Variants in GRIK4 observed in about 807,000 individuals in gnomAD.
GRIK4 encodes glutamate ionotropic receptor kainate type subunit 4, also known as glutamate receptor ionotropic, kainate 4.
In GRIK4, 40 loss-of-function variants were observed where a neutral mutation model predicts 104.9. The ratio of observed to expected loss-of-function variants is 0.38; its 90% CI spans 0.30 to 0.50. The LOEUF is 0.50. GRIK4 is among the 20% of genes least tolerant of loss of function. GRIK4 has a pLI of 0.93. For missense variants in GRIK4, 1,047 were observed against 1,308.1 expected, an observed-to-expected ratio of 0.80 and a Z score of 3.08; for synonymous variants, 485 against 524.9, an observed-to-expected ratio of 0.92 and a Z score of 1.04.
intron 4 of GRIK4, among the ~76,000 whole-genome samples, chr11:120,814,199 C>G (rs1262077176): frequency 6.6e-6 from 1 of 152,136 alleles, no homozygotes; most frequent in Non-Finnish European, 1.5e-5. Flanking sequence ...GGTTTGAAAT[C>G]TAGTGAGAGG....
At chr11:120,683,088 TTG>T (rs1339683549) in intron 3 of GRIK4, among the ~76,000 whole-genome samples, 1 of 152,174 alleles carries the variant, frequency 6.6e-6, no homozygotes, top group African/African-American at 2.4e-5. Flanking sequence ...TTTCCTGGGC[TTG>T]CTGCCCTGGT....
Position 120,875,250 on chromosome 11 carries a change from C to T in GRIK4, c.1164+7C>T. 1 of 1,554,148 alleles carries T rather than the reference C, an allele frequency of 6.4e-7. No individual in the cohort carries two copies. Among genetic ancestry groups the T allele is most frequent in the Non-Finnish European group, 8.9e-7 (1 of 1,125,264 alleles). Reference sequence around the variant, plus strand: ...AAGGAATGGTTTTCGGCAGGTAAGCCTAGCTGCACCGTGGTGATGGCAGGT... The same window carrying T: ...AAGGAATGGTTTTCGGCAGGTAAGCTTAGCTGCACCGTGGTGATGGCAGGT... On this transcript the variant is annotated splice_region_variant and intron_variant, in intron 11 of 20. Coordinates refer to ENST00000527524, the MANE Select transcript of GRIK4 (RefSeq NM_014619.5).
intron 3 of GRIK4, among the ~76,000 whole-genome samples, chr11:120,696,756 G>A (rs912987626): frequency 6.6e-6 from 1 of 152,070 alleles, no homozygotes; most frequent in Non-Finnish European, 1.5e-5. Context: ...GGAGCTGAGG[G>A]GGACTCCCTC....
chr11:120,845,416 T>G (rs1198344011), intron 8 of GRIK4, among the ~76,000 whole-genome samples: 1 of 152,160 alleles, frequency 6.6e-6, no homozygotes, highest in African/African-American at 2.4e-5. Flanking sequence ...AAATATTATT[T>G]CCCTTCCCTC....
intron 13 of GRIK4, among the ~76,000 whole-genome samples, chr11:120,912,379 C>G (rs187035824): frequency 1.5e-3 from 230 of 152,074 alleles, no homozygotes; most frequent in African/African-American, 5.3e-3. Context: ...TGGGTGGGTG[C>G]AACTGAAGAT....
At chr11:120,681,582 A>G (rs1308912769) in intron 3 of GRIK4, among the ~76,000 whole-genome samples, 1 of 152,196 alleles carries the variant, frequency 6.6e-6, no homozygotes, top group African/African-American at 2.4e-5. Flanking sequence ...CTGTTCACTC[A>G]GTTTGATGCA....
intron 1 of GRIK4, among the ~76,000 whole-genome samples, chr11:120,528,347 A>G (rs1178634306): frequency 2.6e-5 from 4 of 151,946 alleles, no homozygotes; most frequent in South Asian, 2.1e-4. Context: ...TCCTGACCTC[A>G]TGATCTGCCC....
intron 6 of GRIK4, among the ~76,000 whole-genome samples, chr11:120,827,775 G>T (rs952184727): frequency 2.0e-5 from 3 of 152,142 alleles, no homozygotes; most frequent in African/African-American, 4.8e-5. Flanking sequence ...TTACTAGTTC[G>T]ACTTTCCATC....
At chr11:120,800,989 G>A (rs1952611384) in intron 3 of GRIK4, among the ~76,000 whole-genome samples, 1 of 152,212 alleles carries the variant, frequency 6.6e-6, no homozygotes, top group East Asian at 1.9e-4. Context: ...ATATAATTCA[G>A]TGGTTTCTTT....
At chr11:120,714,389 C>T (rs886877264) in intron 3 of GRIK4, among the ~76,000 whole-genome samples, 2 of 152,124 alleles carry the variant, frequency 1.3e-5, no homozygotes, top group Non-Finnish European at 2.9e-5. Context: ...AATCCACTCG[C>T]GCTATTTATT....
At chr11:120,882,748 C>T (rs1013255386) in intron 11 of GRIK4, among the ~76,000 whole-genome samples, 6 of 152,148 alleles carry the variant, frequency 3.9e-5, no homozygotes, top group Non-Finnish European at 8.8e-5. Flanking sequence ...GAGTATCATT[C>T]CTGGGCTTAA....
intron 11 of GRIK4, among the ~76,000 whole-genome samples, chr11:120,887,438 C>A (rs1420581193): frequency 6.6e-6 from 1 of 152,236 alleles, no homozygotes; most frequent in Non-Finnish European, 1.5e-5. Flanking sequence ...ATTTACATCA[C>A]TTTATAAATA....
At chr11:120,884,747 G>A (rs1051181000) in intron 11 of GRIK4, among the ~76,000 whole-genome samples, 2 of 152,216 alleles carry the variant, frequency 1.3e-5, no homozygotes, top group Non-Finnish European at 2.9e-5. Flanking sequence ...AAGAGCTGCC[G>A]ACACCCTCAA....
Position 120,862,005 on chromosome 11 carries a change from A to C in GRIK4, c.791A>C (p.Asn264Thr). ...GACAGCCTTGTGGATGATCGTGTCA[A>C]CATCCTGGGATTTTCCATTTTCAAC... ...RMDSLVDDRV[N>T]ILGFSIFNQS... The change falls in exon 9 of 21, where the codon AAC (asparagine) becomes ACC (threonine). Residue 264 changes from asparagine (N) to threonine (T), a missense_variant. By Grantham distance (65) the Asn-to-Thr change is moderately conservative (BLOSUM62 0). Around this residue, in one of 3 missense-constraint regions of GRIK4, gnomAD observed 447 missense variants for 514.9 expected, o/e 0.87. Transcript: ENST00000527524. 6.2e-7 allele frequency: 1 copy of C among 1,613,854 alleles called. No individual in the cohort carries two copies.
intron 1 of GRIK4, among the ~76,000 whole-genome samples, chr11:120,526,436 G>T (rs1227396998): frequency 6.6e-6 from 1 of 152,152 alleles, no homozygotes; most frequent in Non-Finnish European, 1.5e-5. Context: ...GGGCTCAAGC[G>T]ATCCTCCCAC....
intron 8 of GRIK4, among the ~76,000 whole-genome samples, chr11:120,837,981 A>G (rs4935754): frequency 0.33 from 49,691 of 152,060 alleles, 8,979 homozygotes; most frequent in East Asian, 0.49. Flanking sequence ...GAACTGGGCA[A>G]CGAGGTGTCG....
chr11:120,569,861 C>T (rs1435193404), intron 1 of GRIK4, among the ~76,000 whole-genome samples: 1 of 152,172 alleles, frequency 6.6e-6, no homozygotes, highest in African/African-American at 2.4e-5. Context: ...CTCCCATACT[C>T]CCAAAGACCA....
chr11:120,891,430 T>G (rs1247539169), intron 11 of GRIK4, among the ~76,000 whole-genome samples: 1 of 152,258 alleles, frequency 6.6e-6, no homozygotes, highest in Admixed American at 6.5e-5. Flanking sequence ...CATCCCCATC[T>G]TGGTACTTAG....
intron 11 of GRIK4, among the ~76,000 whole-genome samples, chr11:120,891,590 T>A (rs985270036): frequency 6.6e-6 from 1 of 152,232 alleles, no homozygotes; most frequent in Non-Finnish European, 1.5e-5. Context: ...GTGCATTCAC[T>A]TAACTCGATT....
Sources: allele counts gnomAD v4.1 joint callset (sites outside exome capture counted in the v4.1 genomes callset), GRCh38; gene constraint gnomAD v4.1.1; regional missense constraint gnomAD v4.1.1; transcripts MANE v1.5; gene names NCBI Gene and HGNC (gene_info 2026-07-23, HGNC 2026-07-21).